GRIK2: variants seen among roughly 807,000 people sequenced by gnomAD.
GRIK2 encodes the protein glutamate receptor ionotropic, kainate 2.
GRIK2 carries 32 observed loss-of-function variants against 100.3 expected under a neutral mutation model. That is an observed-to-expected ratio of 0.32 (90% CI 0.24 to 0.43). GRIK2 has a LOEUF of 0.43. Among genes scored for constraint, GRIK2 ranks in the 20% least tolerant of loss-of-function variants. The pLI is 1.00. For synonymous variants in GRIK2, 417 were observed against 389.4 expected (o/e 1.07, Z -0.83); for missense variants, 843 against 1,114.9 (o/e 0.76, Z 3.47).
intron 10 of GRIK2, among the ~76,000 whole-genome samples, chr6:101,819,996 ACTCT>A (rs1390288450): frequency 6.6e-6 from 1 of 151,928 alleles, no homozygotes; most frequent in Non-Finnish European, 1.5e-5. Flanking sequence ...CTATGGTCTT[ACTCT>A]CTCTCACCTT....
intron 15 of GRIK2, among the ~76,000 whole-genome samples, chr6:102,039,075 A>G (rs1175571085): frequency 1.3e-5 from 2 of 151,412 alleles, no homozygotes; most frequent in African/African-American, 2.4e-5. Flanking sequence ...TTCATATATT[A>G]TCTTCTTAGC....
chr6:101,514,230 A>G (rs1774465994), intron 2 of GRIK2, among the ~76,000 whole-genome samples: 1 of 152,150 alleles, frequency 6.6e-6, no homozygotes. Flanking sequence ...CATACCCTGC[A>G]TAAAAATTAA....
At chr6:101,548,572 T>G (rs1315480465) in intron 2 of GRIK2, among the ~76,000 whole-genome samples, 2 of 152,234 alleles carry the variant, frequency 1.3e-5, no homozygotes, top group African/African-American at 4.8e-5. Flanking sequence ...ATTTATTAAA[T>G]AGGGAATCCT....
intron 14 of GRIK2, among the ~76,000 whole-genome samples, chr6:101,930,093 G>A (rs1310329733): frequency 6.6e-6 from 1 of 152,106 alleles, no homozygotes; most frequent in Admixed American, 6.6e-5. Context: ...TGTAATCTCA[G>A]CACTCTGGGA....
chr6:101,658,480 T>A (rs1177903362), intron 4 of GRIK2, among the ~76,000 whole-genome samples: 1 of 152,186 alleles, frequency 6.6e-6, no homozygotes, highest in Non-Finnish European at 1.5e-5. Flanking sequence ...TGGTTCCAAG[T>A]CTTAGCTATT....
At chr6:101,724,227 G>C (rs1166708445) in intron 7 of GRIK2, among the ~76,000 whole-genome samples, 1 of 151,626 alleles carries the variant, frequency 6.6e-6, no homozygotes, top group Non-Finnish European at 1.5e-5. Flanking sequence ...GGGGTACATG[G>C]ACAGGTTTGT....
At chr6:101,640,622 C>A (rs1781237319) in intron 4 of GRIK2, among the ~76,000 whole-genome samples, 1 of 152,036 alleles carries the variant, frequency 6.6e-6, no homozygotes, top group African/African-American at 2.4e-5. Flanking sequence ...TATAGTATAA[C>A]CCAGTCAAGT....
chr6:101,791,790 T>G (rs538607477), intron 7 of GRIK2, among the ~76,000 whole-genome samples: 2,752 of 150,378 alleles, frequency 0.018, 92 homozygotes, highest in African/African-American at 0.065. Flanking sequence ...TTGATCTGTC[T>G]AATGTTGACA....
chr6:101,724,628 T>C (rs886136982), intron 7 of GRIK2, among the ~76,000 whole-genome samples: 4 of 151,980 alleles, frequency 2.6e-5, no homozygotes, highest in African/African-American at 9.7e-5. Context: ...TTATTCACTA[T>C]TTAAAATAGA....
intron 16 of GRIK2, among the ~76,000 whole-genome samples, chr6:102,057,295 T>C (rs577537052): frequency 1.3e-5 from 2 of 152,140 alleles, no homozygotes; most frequent in East Asian, 1.9e-4. Context: ...TGGTATTCTA[T>C]TGTGCTTACC....
intron 2 of GRIK2, among the ~76,000 whole-genome samples, chr6:101,607,303 C>A (rs1482459894): frequency 6.6e-6 from 1 of 151,894 alleles, no homozygotes; most frequent in African/African-American, 2.4e-5. Context: ...ATGTGTTAAC[C>A]TCTTTTTTCT....
intron 14 of GRIK2, among the ~76,000 whole-genome samples, chr6:102,015,714 C>T (rs899262823): frequency 6.6e-6 from 1 of 152,178 alleles, no homozygotes; most frequent in African/African-American, 2.4e-5. Flanking sequence ...ACTGCCACTG[C>T]CCTGCAAAGT....
chr6:101,888,832 C>T (rs1163401691), intron 11 of GRIK2, among the ~76,000 whole-genome samples: 3 of 152,096 alleles, frequency 2.0e-5, no homozygotes, highest in African/African-American at 7.2e-5. Flanking sequence ...AATATAGCTT[C>T]TCATCACAGA....
At chr6:101,642,002 G>A (rs895144431) in intron 4 of GRIK2, among the ~76,000 whole-genome samples, 2 of 151,810 alleles carry the variant, frequency 1.3e-5, no homozygotes, top group African/African-American at 4.8e-5. Flanking sequence ...TGTTGTAACT[G>A]CTTCGCTATT....
chr6:101,603,106 A>C (rs1582808639), intron 2 of GRIK2, among the ~76,000 whole-genome samples: 1 of 151,706 alleles, frequency 6.6e-6, no homozygotes, highest in African/African-American at 2.4e-5. Flanking sequence ...AAGTCAAATC[A>C]ATGACAAAAT....
chr6:101,912,767 G>T (rs1033073802), intron 12 of GRIK2, among the ~76,000 whole-genome samples: 1 of 151,402 alleles, frequency 6.6e-6, no homozygotes, highest in African/African-American at 2.4e-5. Flanking sequence ...GTGGCCTGAG[G>T]TTCTTAATAT....
At chr6:101,489,551 T>C (rs1464188137) in intron 2 of GRIK2, among the ~76,000 whole-genome samples, 1 of 146,410 alleles carries the variant, frequency 6.8e-6, no homozygotes. Flanking sequence ...TATGATAACA[T>C]AGTGTTAGAA....
At chr6:102,017,075 C>A (rs1769153706) in intron 14 of GRIK2, among the ~76,000 whole-genome samples, 1 of 152,078 alleles carries the variant, frequency 6.6e-6, no homozygotes, top group African/African-American at 2.4e-5. Context: ...CAAGCAAGTT[C>A]TGAGGGAATT....
chr6:101,840,858 T>G (rs1416215730), intron 10 of GRIK2, among the ~76,000 whole-genome samples: 1 of 152,184 alleles, frequency 6.6e-6, no homozygotes. Context: ...AAACAAAACA[T>G]TTTTTCACTA....
Sources: allele counts gnomAD v4.1 joint callset (sites outside exome capture counted in the v4.1 genomes callset), GRCh38; gene constraint gnomAD v4.1.1; transcripts MANE v1.5; gene names NCBI Gene and HGNC (gene_info 2026-07-23, HGNC 2026-07-21).